HERC1: variants seen among roughly 807,000 people sequenced by gnomAD.
HERC1 encodes probable E3 ubiquitin-protein ligase HERC1.
A neutral mutation model predicts 554.3 loss-of-function variants in HERC1; 160 were observed. That is an observed-to-expected ratio of 0.29 (90% CI 0.25 to 0.33). The LOEUF (loss-of-function observed/expected upper bound fraction) is 0.33, where lower values mean the gene tolerates loss of function less well. Ranked by LOEUF, HERC1 falls within the 10% of genes least tolerant of loss-of-function variation. HERC1 has a pLI of 1.00. For missense variants in HERC1, 4,919 were observed against 5,918.5 expected, an observed-to-expected ratio of 0.83 and a Z score of 5.54; for synonymous variants, 2,175 against 2,131.7, an observed-to-expected ratio of 1.02 and a Z score of -0.56.
chr15:63,776,511 T>C (rs1475342312), intron 1 of HERC1, among the ~76,000 whole-genome samples: 10 of 152,196 alleles, frequency 6.6e-5, no homozygotes, highest in Admixed American at 6.5e-4. Flanking sequence ...TCTAAAGATT[T>C]ATCCAAAAGA....
At chr15:63,670,332 G>A (rs1023770894) in intron 39 of HERC1, among the ~76,000 whole-genome samples, 5 of 152,174 alleles carry the variant, frequency 3.3e-5, no homozygotes, top group Non-Finnish European at 4.4e-5. Context: ...CTCTTCAGTT[G>A]AGAAATGTGG....
intron 61 of HERC1, among the ~76,000 whole-genome samples, chr15:63,639,093 G>A (rs1185079286): frequency 2.0e-5 from 3 of 152,152 alleles, no homozygotes; most frequent in African/African-American, 7.2e-5. Context: ...TTGTGTAGCT[G>A]TGGGCAAATT....
chr15:63,630,464 A>G lies in HERC1; in HGVS notation c.12966+2T>C. ...AAAGCAGCAAGCAATATAAATATTTACCTGCCCTTCTGAATTGCTCCCCCA... is the reference window on the plus strand; with the variant it reads ...AAAGCAGCAAGCAATATAAATATTTGCCTGCCCTTCTGAATTGCTCCCCCA... On this transcript the variant is annotated splice_donor_variant, in intron 69 of 77. Coordinates refer to ENST00000443617, the MANE Select transcript of HERC1 (RefSeq NM_003922.4). LOFTEE classifies it high-confidence loss of function. 6.2e-7 allele frequency: 1 copy of G among 1,609,572 alleles called. No individual in the cohort carries two copies.
chr15:63,816,989 C>T lies in HERC1; in HGVS notation c.-27+16838G>A, dbSNP rs547401951. Among the ~76,000 whole-genome samples, 6 of 152,016 alleles carry T rather than the reference C, an allele frequency of 3.9e-5. No individual in the cohort carries two copies. The East Asian group carries it at 7.7e-4, about 20-fold the overall frequency. On this transcript the variant is annotated intron_variant, in intron 1 of 77. Transcript: ENST00000443617. ...TCTTACTGAGAGGGAAAAAAAAATA[C>T]AAACCAACCTATCAATTTACAGGAA...
intron 56 of HERC1, 42 bp from the exon 57 acceptor site, chr15:63,645,139 G>T: frequency 7.4e-7 from 1 of 1,347,262 alleles, no homozygotes; most frequent in Non-Finnish European, 1.1e-6. Flanking sequence ...ATGTCAATAT[G>T]CATTAAGTAA....
In HERC1 at chr15:63,829,870, C is replaced by T. The variant is rs561693782; in HGVS notation, c.-27+3957G>A. ...ATGGCCAAAGCTGGAACAATTTGAA[C>T]AACAAAATAAATAATGATAGTATTG... On this transcript the variant is annotated intron_variant, in intron 1 of 77. Coordinates refer to ENST00000443617, the MANE Select transcript of HERC1 (RefSeq NM_003922.4). Among the ~76,000 whole-genome samples, 4 of 151,568 alleles carry T rather than the reference C, an allele frequency of 2.6e-5. No homozygotes were observed. The South Asian group carries it at 8.3e-4, about 32-fold the overall frequency.
Position 63,694,834 on chromosome 15 carries a change from T to C in HERC1, c.5182A>G (p.Ile1728Val). 6.2e-7 allele frequency: 1 copy of C among 1,613,836 alleles called. No individual in the cohort carries two copies. The highest frequency in any genetic ancestry group is 8.5e-7 in the Non-Finnish European group (1 of 1,179,744). ...AGGGTAGCAGACAACTGTTGATAAA[T>C]TTTATGCACAGCTACCTGGATTTCA... ...QIEIQVAVHK[I>V]YQQLSATLER... Residue 1728 changes from isoleucine (I) to valine (V), a missense_variant, in exon 28 of 78, where the codon ATT becomes GTT. Transcript: ENST00000443617. The surrounding 1 kb of genome is among the most constrained non-coding windows in gnomAD (Gnocchi z 4.3).
At chr15:63,648,891 T>A in intron 54 of HERC1, among the ~76,000 whole-genome samples, 1 of 152,154 alleles carries the variant, frequency 6.6e-6, no homozygotes. Context: ...CACTATGACT[T>A]TGAATTACCC....
intron 8 of HERC1, chr15:63,752,490 A>G (rs2075283912): frequency 6.5e-6 from 1 of 152,866 alleles, no homozygotes; most frequent in African/African-American, 2.4e-5. Flanking sequence ...ATAAAGGCTC[A>G]TAAAATTCTG....
intron 2 of HERC1, among the ~76,000 whole-genome samples, chr15:63,770,614 T>C (rs1314213378): frequency 1.3e-5 from 2 of 152,216 alleles, no homozygotes; most frequent in Non-Finnish European, 2.9e-5. Flanking sequence ...TATTGTGTGT[T>C]CCCACCAAAT....
rs200643599 is a variant in HERC1, at chr15:63,754,501, A to T, written c.1774+4T>A. On this transcript the variant is annotated splice_donor_region_variant and intron_variant, in intron 7 of 77. Transcript: ENST00000443617. Reference sequence around the variant, plus strand: ...AAGCTACTGATAAATAATTTTTTACATACCATTGTCTCCTCCTCCAAAAGA... The same window carrying T: ...AAGCTACTGATAAATAATTTTTTACTTACCATTGTCTCCTCCTCCAAAAGA... 1 of 1,563,228 alleles carries T rather than the reference A, an allele frequency of 6.4e-7. No homozygotes were observed. Among genetic ancestry groups the T allele is most frequent in the Non-Finnish European group, 8.6e-7 (1 of 1,159,694 alleles).
chr15:63,742,548 G>C (rs181016987), intron 12 of HERC1, among the ~76,000 whole-genome samples: 4 of 152,174 alleles, frequency 2.6e-5, no homozygotes, highest in Admixed American at 2.6e-4. Context: ...TTTTATTCCT[G>C]ATCTTAGGGG....
Position 63,775,587 on chromosome 15 carries a change from G to A in HERC1, c.37C>T (p.Leu13Phe). 6.2e-7 allele frequency: 1 copy of A among 1,607,114 alleles called. No individual in the cohort carries two copies. The highest frequency in any genetic ancestry group is 8.5e-7 in the Non-Finnish European group (1 of 1,177,232). The change falls in exon 2 of 78, where the codon CTT becomes TTT. Residue 13 changes from leucine (L) to phenylalanine (F), a missense_variant. Transcript: ENST00000443617. The surrounding 1 kb of genome is among the most constrained non-coding windows in gnomAD (Gnocchi z 4.0). Reference protein sequence around the residue: ...TMIPPVKLKWLEHLNSSWITE... With the variant: ...TMIPPVKLKWFEHLNSSWITE... The stretch of plus-strand genomic sequence containing the variant: ...ATCCAGGAGCTGTTCAAGTGTTCAA[G>A]CCATTTCAGCTTCACTGGTGGAATC...
At chr15:63,814,069 AAAAC>A (rs2077415073) in intron 1 of HERC1, among the ~76,000 whole-genome samples, 1 of 152,184 alleles carries the variant, frequency 6.6e-6, no homozygotes, top group Admixed American at 6.5e-5. Context: ...CAAAAAACAA[AAAAC>A]AAACAACAAC....
intron 55 of HERC1, among the ~76,000 whole-genome samples, chr15:63,646,851 C>T (rs1350198874): frequency 4.0e-5 from 6 of 151,332 alleles, no homozygotes; most frequent in Admixed American, 1.3e-4. Context: ...CAAAACAAAA[C>T]AAGAAAAAGC....
At chr15:63,630,435 T>C (rs955320774) in intron 69 of HERC1, 31 bp downstream of exon 69, 14 of 1,591,956 alleles carry the variant, frequency 8.8e-6, no homozygotes, top group African/African-American at 1.3e-5. Flanking sequence ...TTCTAGAATA[T>C]GAGAAAGCAG....
chr15:63,640,178 G>A lies in HERC1; in HGVS notation c.11875C>T (p.Pro3959Ser), dbSNP rs781733396. The A allele has an allele frequency of 2.5e-6, 4 of 1,613,740 alleles. No homozygotes were observed. Among genetic ancestry groups the A allele is most frequent in the Admixed American group, 1.7e-5 (1 of 59,988 alleles). Residue 3959 changes from proline (P) to serine (S), a missense_variant, in exon 61 of 78, where the codon CCA becomes TCA. Around this residue, in one of 11 missense-constraint regions of HERC1, gnomAD observed 1,963 missense variants for 2,228.6 expected, o/e 0.88. Coordinates refer to ENST00000443617, the MANE Select transcript of HERC1 (RefSeq NM_003922.4). ...ATTAGAAATACAAGTTCATCCTCTG[G>A]AACAGGTTCTAGATCTGGAACGGTA... The part of the protein sequence containing the change: ...SFTVPDLEPV[P>S]EDELVFLMDN...
At chr15:63,829,479 A>ATATATAT (rs1555455605) in intron 1 of HERC1, among the ~76,000 whole-genome samples, 956 of 87,492 alleles carry the variant, frequency 0.011, 16 homozygotes, top group Middle Eastern at 0.069. Context: ...TGTTTATATA[A>ATATATAT]ATATATATAT....
intron 40 of HERC1, among the ~76,000 whole-genome samples, chr15:63,666,969 G>C (rs1169577704): frequency 6.6e-6 from 1 of 152,098 alleles, no homozygotes; most frequent in African/African-American, 2.4e-5. Flanking sequence ...TTATGCTTTT[G>C]GTCGGTGATT....
Sources: gnomAD v4.1 joint callset for allele counts (sites outside exome capture counted in the v4.1 genomes callset) on GRCh38, gnomAD v4.1.1 for gene constraint, gnomAD v4.1.1 regional missense constraint, Gnocchi (gnomAD v3.1) non-coding constraint, MANE v1.5 for transcripts, NCBI Gene and HGNC (gene_info 2026-07-23, HGNC 2026-07-21) for gene names.